The following APBA1 variants were observed in gnomAD, a reference collection of about 807,000 sequenced individuals.
APBA1 encodes amyloid beta precursor protein binding family A member 1, also known as amyloid-beta A4 precursor protein-binding family A member 1.
In APBA1, 55 loss-of-function variants were observed where a neutral mutation model predicts 86.6. That is an observed-to-expected ratio of 0.64 (90% confidence interval 0.51 to 0.80). APBA1 has a LOEUF of 0.80. APBA1 is among the 30% of genes least tolerant of loss of function. The pLI is 0.00. For synonymous variants in APBA1, 511 were observed against 493.9 expected (o/e 1.03, Z -0.46); for missense variants, 1,090 against 1,183.0 (o/e 0.92, Z 1.15).
chr9:69,561,605 G>T (rs1043740078), intron 1 of APBA1, among the ~76,000 whole-genome samples: 3 of 151,528 alleles, frequency 2.0e-5, no homozygotes, highest in African/African-American at 7.3e-5. Flanking sequence ...AGATGGATCT[G>T]CCAAACCTAC....
chr9:69,623,294 GC>G (rs1822862717), intron 1 of APBA1, among the ~76,000 whole-genome samples: 1 of 152,016 alleles, frequency 6.6e-6, no homozygotes, highest in African/African-American at 2.4e-5. Flanking sequence ...TTCAAGGAGA[GC>G]CTCATTTTCC....
chr9:69,570,305 G>A (rs1837095824), intron 1 of APBA1, among the ~76,000 whole-genome samples: 1 of 152,158 alleles, frequency 6.6e-6, no homozygotes. Context: ...AGAAAAGAAT[G>A]ACAGTGTGAT....
At chr9:69,529,850 A>G (rs1358157577) in intron 1 of APBA1, among the ~76,000 whole-genome samples, 1 of 152,208 alleles carries the variant, frequency 6.6e-6, no homozygotes, top group Non-Finnish European at 1.5e-5. Context: ...CTCAACAAGA[A>G]AAAAGCAAAC....
chr9:69,519,511 C>A (rs7866199), intron 1 of APBA1, among the ~76,000 whole-genome samples: 3 of 152,088 alleles, frequency 2.0e-5, no homozygotes, highest in African/African-American at 7.2e-5. Context: ...AACAGATAAA[C>A]CTTCATTAAA....
At chr9:69,567,016 A>ATGGAGAAAT (rs1439049510) in intron 1 of APBA1, among the ~76,000 whole-genome samples, 1 of 152,196 alleles carries the variant, frequency 6.6e-6, no homozygotes, top group East Asian at 1.9e-4. Context: ...TCTTGAATGA[A>ATGGAGAAAT]TGGAGAAATA....
At chr9:69,450,053 C>T (rs1207052094) in intron 9 of APBA1, among the ~76,000 whole-genome samples, 1 of 137,250 alleles carries the variant, frequency 7.3e-6, no homozygotes, top group African/African-American at 3.2e-5. Context: ...ATGAGGACCA[C>T]CAGTTTTTTT....
chr9:69,510,520 C>T (rs1214637519), intron 2 of APBA1, among the ~76,000 whole-genome samples: 3 of 134,298 alleles, frequency 2.2e-5, no homozygotes, highest in Admixed American at 7.7e-5. Context: ...AGATTCAATG[C>T]CATCCCCATC....
In APBA1 at chr9:69,457,623, C is replaced by T. The variant is rs527327786; in HGVS notation, c.1516-484G>A. 3.3e-5 allele frequency among the ~76,000 whole-genome samples: 5 copies of T among 152,190 alleles called. No individual in the cohort carries two copies. The East Asian group carries it at 9.7e-4, about 29-fold the overall frequency. Reference sequence around the variant, plus strand: ...AGGGTCTTTATGTTTACATATCACCCAGCAACACAGAAGCAGTCCTGAAGC... The same window carrying T: ...AGGGTCTTTATGTTTACATATCACCTAGCAACACAGAAGCAGTCCTGAAGC... On this transcript the variant is annotated intron_variant, in intron 6 of 12. Transcript: ENST00000265381.
chr9:69,495,687 A>T (rs1289554099), intron 2 of APBA1, among the ~76,000 whole-genome samples: 1 of 152,060 alleles, frequency 6.6e-6, no homozygotes, highest in Admixed American at 6.6e-5. Flanking sequence ...GAGAAAATAA[A>T]CTCGGCTCTG....
chr9:69,533,180 G>A (rs1252303256), intron 1 of APBA1, among the ~76,000 whole-genome samples: 1 of 152,104 alleles, frequency 6.6e-6, no homozygotes, highest in Admixed American at 6.5e-5. Flanking sequence ...TATGATGGAG[G>A]GGACAGGATA....
At chr9:69,436,830 G>C (rs1834732254) in intron 11 of APBA1, among the ~76,000 whole-genome samples, 1 of 151,988 alleles carries the variant, frequency 6.6e-6, no homozygotes, top group Non-Finnish European at 1.5e-5. Flanking sequence ...GGAGTGGTGA[G>C]AGAGGGCATC....
intron 1 of APBA1, among the ~76,000 whole-genome samples, chr9:69,535,903 C>G (rs1836500535): frequency 6.6e-6 from 1 of 152,064 alleles, no homozygotes; most frequent in Admixed American, 6.6e-5. Context: ...TTTGAAGTGT[C>G]CTGGTTTGCC....
intron 2 of APBA1, among the ~76,000 whole-genome samples, chr9:69,493,478 C>G (rs1435838749): frequency 6.6e-6 from 1 of 151,960 alleles, no homozygotes; most frequent in Non-Finnish European, 1.5e-5. Flanking sequence ...AAGGAAAGCC[C>G]CTCTTGTAAG....
intron 5 of APBA1, among the ~76,000 whole-genome samples, chr9:69,458,931 C>G (rs369322847): frequency 6.6e-6 from 1 of 152,080 alleles, no homozygotes; most frequent in African/African-American, 2.4e-5. Context: ...CTCAGCCTCC[C>G]GAGTAGCTGG....
At chr9:69,440,907 AT>A in intron 11 of APBA1, 88 bp downstream of exon 11, 1 of 1,503,938 alleles carries the variant, frequency 6.6e-7, no homozygotes, top group South Asian at 1.2e-5. Context: ...AGCTGTTCCT[AT>A]TTAGCCATCT....
intron 10 of APBA1, among the ~76,000 whole-genome samples, chr9:69,442,991 A>G (rs1029657858): frequency 2.0e-5 from 3 of 152,222 alleles, no homozygotes; most frequent in Admixed American, 6.5e-5. Context: ...TTGGAGTGGC[A>G]GAAATGACCT....
intron 1 of APBA1, among the ~76,000 whole-genome samples, chr9:69,630,920 T>C (rs886260040): frequency 1.3e-5 from 2 of 152,226 alleles, no homozygotes; most frequent in African/African-American, 4.8e-5. Context: ...GTAAAGAAGA[T>C]AGAGCCTCAG....
intron 1 of APBA1, among the ~76,000 whole-genome samples, chr9:69,545,212 T>C (rs1055546391): frequency 3.3e-5 from 5 of 152,200 alleles, no homozygotes; most frequent in African/African-American, 7.2e-5. Context: ...ATGGGCTTGA[T>C]AGATGATGTG....
At chr9:69,439,262 GTTCTC>G (rs1834762998) in intron 11 of APBA1, among the ~76,000 whole-genome samples, 2 of 136,646 alleles carry the variant, frequency 1.5e-5, no homozygotes, top group African/African-American at 5.8e-5. Context: ...GTGTCTTGGA[GTTCTC>G]TTCTCGAGGA....
Sources: allele counts gnomAD v4.1 joint callset (sites outside exome capture counted in the v4.1 genomes callset), GRCh38; gene constraint gnomAD v4.1.1; transcripts MANE v1.5; gene names NCBI Gene and HGNC (gene_info 2026-07-23, HGNC 2026-07-21).